IL1RAPL1: variants seen among roughly 807,000 people sequenced by gnomAD.
IL1RAPL1 encodes interleukin 1 receptor accessory protein like 1.
IL1RAPL1 carries 3 observed loss-of-function variants against 48.4 expected under a neutral mutation model. The observed-to-expected ratio is 0.06, with a 90% CI of 0.03 to 0.16. IL1RAPL1 has a LOEUF of 0.16. Among genes scored for constraint, IL1RAPL1 ranks in the 10% least tolerant of loss-of-function variants. IL1RAPL1 has a pLI of 1.00. For synonymous variants in IL1RAPL1, 185 were observed against 187.7 expected, an observed-to-expected ratio of 0.99 and a Z score of 0.12; for missense variants, 349 against 530.6, an observed-to-expected ratio of 0.66 and a Z score of 3.36.
In IL1RAPL1 at chrX:29,399,179, C is replaced by T. The variant is rs1933956790; in HGVS notation, c.574C>T (p.Pro192Ser). The change falls in exon 5 of 11, where the codon CCA (proline) becomes TCA (serine). Residue 192 changes from proline (P) to serine (S), a missense_variant. Physicochemically the swap from Pro to Ser is moderately conservative, Grantham distance 74. Around this residue, in one of 3 missense-constraint regions of IL1RAPL1, gnomAD observed 238 missense variants for 337.8 expected, o/e 0.70. Coordinates refer to ENST00000378993, the MANE Select transcript of IL1RAPL1 (RefSeq NM_014271.4). Reference sequence around the variant, plus strand: ...GGAATGCAGGACAAAAACATGGAGGCCAAGTATTGTATTCAAAAGAGATAC... The same window carrying T: ...GGAATGCAGGACAAAAACATGGAGGTCAAGTATTGTATTCAAAAGAGATAC... ...YKECRTKTWR[P>S]SIVFKRDTLL... 5 of 1,204,707 alleles carry T rather than the reference C, an allele frequency of 4.2e-6. No individual in the cohort carries two copies. The highest frequency in any genetic ancestry group is 5.6e-6 in the Non-Finnish European group (5 of 889,566).
chrX:29,701,788 T>C (rs147864891), intron 6 of IL1RAPL1, among the ~76,000 whole-genome samples: 1,917 of 110,760 alleles, frequency 0.017, 15 homozygotes, highest in Non-Finnish European at 0.029. Flanking sequence ...TTTATACCTG[T>C]GAGAGTTAAA....
intron 2 of IL1RAPL1, among the ~76,000 whole-genome samples, chrX:28,851,822 G>C (rs1422017329): frequency 3.6e-5 from 4 of 112,082 alleles, no homozygotes; most frequent in African/African-American, 1.3e-4. Flanking sequence ...TTTGTACTTA[G>C]GATCAAAATA....
intron 6 of IL1RAPL1, among the ~76,000 whole-genome samples, chrX:29,802,850 T>G (rs1408755179): frequency 2.0e-4 from 18 of 91,737 alleles, no homozygotes; most frequent in African/African-American, 7.5e-4. Context: ...TACATATATG[T>G]GTATATACGT....
intron 3 of IL1RAPL1, among the ~76,000 whole-genome samples, chrX:29,393,467 G>A (rs769141780): frequency 2.9e-4 from 32 of 111,714 alleles, no homozygotes; most frequent in Non-Finnish European, 5.1e-4. Context: ...GCTTGAATGA[G>A]TGATTGAGAT....
chrX:29,094,766 C>T (rs1287370032), intron 2 of IL1RAPL1, among the ~76,000 whole-genome samples: 1 of 23,107 alleles, frequency 4.3e-5, no homozygotes, highest in Non-Finnish European at 6.3e-5. Flanking sequence ...AGTGAAACTC[C>T]ATCTCAAAAA....
intron 6 of IL1RAPL1, among the ~76,000 whole-genome samples, chrX:29,837,298 TATAC>T (rs1200297863): frequency 0.025 from 1,731 of 70,154 alleles, 25 homozygotes; most frequent in Non-Finnish European, 0.032. Flanking sequence ...TATATATATA[TATAC>T]ACACACACAC....
intron 1 of IL1RAPL1, among the ~76,000 whole-genome samples, chrX:28,645,904 T>A (rs990503424): frequency 8.0e-5 from 9 of 112,002 alleles, no homozygotes; most frequent in Non-Finnish European, 1.7e-4. Flanking sequence ...CCATACCTCT[T>A]CGTAAAGGTG....
intron 6 of IL1RAPL1, among the ~76,000 whole-genome samples, chrX:29,738,456 T>C (rs993816431): frequency 1.9e-5 from 2 of 103,624 alleles, no homozygotes; most frequent in African/African-American, 3.5e-5. Flanking sequence ...TTTTCTTTTT[T>C]TTTTTTTTTT....
chrX:29,858,418 G>A (rs2147202349), intron 6 of IL1RAPL1, among the ~76,000 whole-genome samples: 1 of 111,288 alleles, frequency 9.0e-6, no homozygotes, highest in East Asian at 2.8e-4. Context: ...GAGTGCAAAA[G>A]AGACTTTTAC....
At chrX:28,784,748 C>T (rs1409688194) in intron 1 of IL1RAPL1, among the ~76,000 whole-genome samples, 2 of 110,876 alleles carry the variant, frequency 1.8e-5, no homozygotes, top group Non-Finnish European at 3.8e-5. Context: ...AGTGCAGCTT[C>T]CCTCCCTTTC....
chrX:28,848,845 G>C (rs1202718143), intron 2 of IL1RAPL1, among the ~76,000 whole-genome samples: 5 of 111,818 alleles, frequency 4.5e-5, no homozygotes, highest in Non-Finnish European at 9.4e-5. Context: ...ACACAAGCCT[G>C]CTATTAAAAT....
intron 5 of IL1RAPL1, among the ~76,000 whole-genome samples, chrX:29,538,338 CT>C (rs397896582): frequency 1.9e-4 from 16 of 83,581 alleles, no homozygotes; most frequent in South Asian, 6.3e-4. Context: ...CTTTTCTTTT[CT>C]TTTTTTTTTT....
chrX:29,713,739 T>A (rs1054978744), intron 6 of IL1RAPL1, among the ~76,000 whole-genome samples: 10 of 111,974 alleles, frequency 8.9e-5, no homozygotes, highest in African/African-American at 3.2e-4. Flanking sequence ...CAATTCATGG[T>A]CACTGCACAT....
At chrX:28,780,735 A>G (rs1936414527) in intron 1 of IL1RAPL1, among the ~76,000 whole-genome samples, 2 of 110,120 alleles carry the variant, frequency 1.8e-5, no homozygotes, top group African/African-American at 6.6e-5. Context: ...AGCCAAAATC[A>G]GTATAATTAC....
chrX:29,730,052 A>G (rs897895512), intron 6 of IL1RAPL1, among the ~76,000 whole-genome samples: 2 of 112,195 alleles, frequency 1.8e-5, no homozygotes, highest in Non-Finnish European at 3.8e-5. Context: ...AATGCTGTTC[A>G]GAAGGAGAGT....
intron 6 of IL1RAPL1, among the ~76,000 whole-genome samples, chrX:29,680,153 G>A (rs1361091029): frequency 1.8e-5 from 2 of 111,322 alleles, no homozygotes; most frequent in East Asian, 5.7e-4. Flanking sequence ...GGTCATAAGT[G>A]ACAAATCACT....
intron 1 of IL1RAPL1, among the ~76,000 whole-genome samples, chrX:28,643,185 G>A (rs1205394523): frequency 2.7e-5 from 3 of 111,555 alleles, no homozygotes; most frequent in Admixed American, 9.5e-5. Flanking sequence ...CACCGCACCC[G>A]GCAGTATGTA....
chrX:29,877,121 C>T (rs1374634742), intron 6 of IL1RAPL1, among the ~76,000 whole-genome samples: 3 of 111,710 alleles, frequency 2.7e-5, no homozygotes, highest in Admixed American at 9.5e-5. Context: ...ATCCCAGAAA[C>T]GAAACAGGCC....
chrX:29,042,685 C>T (rs1345146808), intron 2 of IL1RAPL1, among the ~76,000 whole-genome samples: 2 of 111,409 alleles, frequency 1.8e-5, no homozygotes, highest in Non-Finnish European at 3.8e-5. Flanking sequence ...CCTCCTTTCC[C>T]TTTCTAGATT....
Sources: gnomAD v4.1 joint callset for allele counts (sites outside exome capture counted in the v4.1 genomes callset) on GRCh38, gnomAD v4.1.1 for gene constraint, gnomAD v4.1.1 regional missense constraint, MANE v1.5 for transcripts, NCBI Gene and HGNC (gene_info 2026-07-23, HGNC 2026-07-21) for gene names.